Variants in SLC25A21 observed in about 807,000 individuals in gnomAD.
The protein encoded by SLC25A21 is solute carrier family 25 member 21.
A neutral mutation model predicts 43.8 loss-of-function variants in SLC25A21; 47 were observed. The ratio of observed to expected loss-of-function variants is 1.07; its 90% CI spans 0.85 to 1.37. SLC25A21 has a LOEUF of 1.37. Among genes scored for constraint, SLC25A21 ranks in the 40% most tolerant of loss-of-function variants. The pLI is 0.00. For missense variants in SLC25A21, 352 were observed against 350.2 expected, an observed-to-expected ratio of 1.00 and a Z score of -0.04; for synonymous variants, 131 against 121.3, an observed-to-expected ratio of 1.08 and a Z score of -0.52.
At chr14:37,069,158 C>T (rs1268058802) in intron 1 of SLC25A21, among the ~76,000 whole-genome samples, 3 of 151,464 alleles carry the variant, frequency 2.0e-5, no homozygotes, top group African/African-American at 4.9e-5. Context: ...GCCTGAGCAA[C>T]AGAGTGAGAC....
intron 8 of SLC25A21, 122 bp from the exon 9 acceptor site, chr14:36,684,002 C>A (rs111643875): frequency 6.3e-5 from 38 of 601,942 alleles, no homozygotes; most frequent in African/African-American, 4.4e-4. Flanking sequence ...ACACACATCT[C>A]AAAGCAGACA....
chr14:37,072,772 A>T (rs1430793931), intron 1 of SLC25A21, among the ~76,000 whole-genome samples: 2 of 152,164 alleles, frequency 1.3e-5, no homozygotes, highest in Non-Finnish European at 2.9e-5. Context: ...AAAAAAGAAA[A>T]ATATTTTCTA....
At chr14:36,686,741 A>G (rs1429074745) in intron 7 of SLC25A21, among the ~76,000 whole-genome samples, 3 of 152,162 alleles carry the variant, frequency 2.0e-5, no homozygotes, top group Non-Finnish European at 4.4e-5. Context: ...AAGGACAAGA[A>G]TGGAAATGAT....
At chr14:36,805,978 G>A (rs1032077832) in intron 3 of SLC25A21, among the ~76,000 whole-genome samples, 2 of 152,048 alleles carry the variant, frequency 1.3e-5, no homozygotes, top group African/African-American at 4.8e-5. Flanking sequence ...ACTTTGGGAG[G>A]CCGAGACAGA....
intron 1 of SLC25A21, among the ~76,000 whole-genome samples, chr14:36,919,547 C>T (rs1403419148): frequency 6.6e-6 from 1 of 151,890 alleles, no homozygotes; most frequent in East Asian, 1.9e-4. Flanking sequence ...TCTTGATATT[C>T]TATAGTACAT....
intron 1 of SLC25A21, among the ~76,000 whole-genome samples, chr14:37,114,107 T>C (rs1963066722): frequency 1.3e-5 from 2 of 152,192 alleles, no homozygotes; most frequent in African/African-American, 4.8e-5. Flanking sequence ...TTTATTTGTT[T>C]GCTTTTCCTC....
rs145374786 is a variant in SLC25A21 at position 37,146,757 on chromosome 14, T to C, written c.70+25524A>G. 7.9e-3 allele frequency among the ~76,000 whole-genome samples: 1,208 copies of C among 152,330 alleles called. 11 individuals are homozygous for C. Among genetic ancestry groups the C allele is most frequent in the African/African-American group, 0.027 (1,129 of 41,570 alleles). On this transcript the variant is annotated intron_variant, in intron 1 of 9. Coordinates refer to ENST00000331299, the MANE Select transcript of SLC25A21 (RefSeq NM_030631.4). ...TAGGGTATTTTATTTTAATTTAATA[T>C]GTAGCTATTTTCTCAGCTATGCAAT... is the stretch of plus-strand genomic sequence containing the variant.
At chr14:36,873,815 T>G (rs148325948) in intron 2 of SLC25A21, among the ~76,000 whole-genome samples, 1,621 of 152,218 alleles carry the variant, frequency 0.011, 24 homozygotes, top group Middle Eastern at 0.031. Flanking sequence ...ACAACAGAGC[T>G]TCCTCTCTCT....
At position 36,916,020 on chromosome 14, in the gene SLC25A21, T is replaced by C. The variant is rs189946306; in HGVS notation, c.71-41016A>G. Among the ~76,000 whole-genome samples the C allele has an allele frequency of 1.8e-3, 275 of 152,266 alleles. 6 individuals carry two copies. Among genetic ancestry groups the C allele is most frequent in the Admixed American group, 2.1e-3 (32 of 15,282 alleles). On this transcript the variant is annotated intron_variant, in intron 1 of 9. Coordinates refer to ENST00000331299, the MANE Select transcript of SLC25A21 (RefSeq NM_030631.4). ...CAGAGTGGATCCACAAGGATTTCTG[T>C]GAAACAACCATGGAAGTACAAAAGA...
chr14:36,771,597 A>C (rs1886620524), intron 3 of SLC25A21, among the ~76,000 whole-genome samples: 1 of 152,208 alleles, frequency 6.6e-6, no homozygotes. Context: ...TATGAGGACA[A>C]ACTTGAACTC....
At chr14:37,084,745 C>A (rs77319164) in intron 1 of SLC25A21, among the ~76,000 whole-genome samples, 6,022 of 152,182 alleles carry the variant, frequency 0.04, 396 homozygotes, top group African/African-American at 0.14. Context: ...GTTTGTGTCT[C>A]CAACTCCTTA....
chr14:37,155,071 A>C (rs890939575), intron 1 of SLC25A21, among the ~76,000 whole-genome samples: 10 of 151,620 alleles, frequency 6.6e-5, no homozygotes, highest in African/African-American at 2.2e-4. Flanking sequence ...ACTAAAAGAC[A>C]GCTCTTTTTT....
intron 6 of SLC25A21, among the ~76,000 whole-genome samples, chr14:36,723,272 G>C (rs1013273303): frequency 2.0e-5 from 3 of 152,100 alleles, no homozygotes; most frequent in African/African-American, 7.2e-5. Context: ...AGCACCTATG[G>C]CTTCAATTTG....
chr14:36,951,000 G>T (rs750472154), intron 1 of SLC25A21, among the ~76,000 whole-genome samples: 3 of 152,028 alleles, frequency 2.0e-5, no homozygotes, highest in Non-Finnish European at 4.4e-5. Flanking sequence ...CATTTCCTCA[G>T]CAATGGCTGC....
At chr14:36,894,719 T>A (rs2138588001) in intron 1 of SLC25A21, among the ~76,000 whole-genome samples, 1 of 152,334 alleles carries the variant, frequency 6.6e-6, no homozygotes, top group South Asian at 2.1e-4. Context: ...TTCCCATCAA[T>A]ACCTAATTTA....
At chr14:36,919,632 TATC>T (rs1891925166) in intron 1 of SLC25A21, among the ~76,000 whole-genome samples, 1 of 146,054 alleles carries the variant, frequency 6.8e-6, no homozygotes. Flanking sequence ...CCTATCTATC[TATC>T]TATCTATCTA....
At chr14:36,887,366 A>C (rs1594669191) in intron 1 of SLC25A21, among the ~76,000 whole-genome samples, 1 of 151,862 alleles carries the variant, frequency 6.6e-6, no homozygotes, top group South Asian at 2.1e-4. Context: ...AGTTTGAGAC[A>C]ACCCTGGCCA....
At chr14:36,715,455 C>T (rs1194100834) in intron 6 of SLC25A21, among the ~76,000 whole-genome samples, 2 of 152,152 alleles carry the variant, frequency 1.3e-5, no homozygotes, top group Non-Finnish European at 2.9e-5. Flanking sequence ...AACTGATTAG[C>T]ATCATCAGCC....
intron 2 of SLC25A21, among the ~76,000 whole-genome samples, chr14:36,826,835 G>A (rs547550574): frequency 1.3e-5 from 2 of 152,266 alleles, no homozygotes; most frequent in East Asian, 3.9e-4. Flanking sequence ...CTCTCCCATA[G>A]GCCCAGGTGG....
Sources: gnomAD v4.1 joint callset for allele counts (sites outside exome capture counted in the v4.1 genomes callset) on GRCh38, gnomAD v4.1.1 for gene constraint, MANE v1.5 for transcripts, NCBI Gene and HGNC (gene_info 2026-07-23, HGNC 2026-07-21) for gene names.